PAX9: variants seen among roughly 807,000 people sequenced by gnomAD.
PAX9 encodes the protein paired box protein Pax-9.
A neutral mutation model predicts 29.1 loss-of-function variants in PAX9; 6 were observed. That is an observed-to-expected ratio of 0.21 (90% CI 0.11 to 0.41). PAX9 has a LOEUF of 0.41. Among genes scored for constraint, PAX9 ranks in the 10% least tolerant of loss-of-function variants. The pLI is 1.00. For missense variants in PAX9, 443 were observed against 479.1 expected (o/e 0.92, Z 0.70); for synonymous variants, 217 against 211.7 (o/e 1.03, Z -0.22).
intron 3 of PAX9, among the ~76,000 whole-genome samples, chr14:36,670,841 G>A (rs546380540): frequency 4.6e-5 from 7 of 151,924 alleles, no homozygotes; most frequent in Admixed American, 2.6e-4. Context: ...TTTAAATAGC[G>A]GCTTTCCATT....
intron 3 of PAX9, among the ~76,000 whole-genome samples, chr14:36,667,031 G>A (rs756387882): frequency 2.0e-5 from 3 of 152,206 alleles, no homozygotes; most frequent in Non-Finnish European, 2.9e-5. Flanking sequence ...CTTCACGCCC[G>A]CGAAACGCGC....
chr14:36,666,523 C>T lies in PAX9; in HGVS notation c.693C>T (p.Asn231=), dbSNP rs374572267. 4 of 1,601,986 alleles carry T rather than the reference C, an allele frequency of 2.5e-6. No individual in the cohort carries two copies. The highest frequency in any genetic ancestry group is 3.4e-6 in the Non-Finnish European group (4 of 1,174,742). Residue 231 remains asparagine, a synonymous_variant, in exon 3 of 4, where the codon AAC becomes AAT. Transcript: ENST00000361487. ...AGGAGTGGAGCAGCCTGGGCCGCAA[C>T]AACTTCCCCGCCGCCGCCCCGCACG... ...KVEEWSSLGR[N]NFPAAAPHAV...
Position 36,678,778 on chromosome 14 carries a change from A to G in PAX9, c.*2326A>G, listed in dbSNP as rs894082489. 9.4e-7 allele frequency: 1 copy of G among 1,061,738 alleles called. No homozygotes were observed. Among genetic ancestry groups the G allele is most frequent in the Non-Finnish European group, 1.2e-6 (1 of 869,412 alleles). The allele number at this position is 1,061,738 out of a possible 1,614,324, so 65.8% of individuals were successfully genotyped here. A position where few individuals can be genotyped will look rare whatever the true frequency, so the allele number is the denominator to read the frequency against. The stretch of plus-strand genomic sequence containing the variant: ...TGGTTCTTGTATTTTAAAAAATCTA[A>G]TATTAATGGTATTGAAGTTTCCTTT... On this transcript the variant is annotated 3_prime_UTR_variant, in exon 4 of 4. Coordinates refer to ENST00000361487, the MANE Select transcript of PAX9 (RefSeq NM_001372076.1).
Position 36,676,431 on chromosome 14 carries a change from T to C in PAX9, c.1005T>C (p.Ser335=). 6.2e-7 allele frequency: 1 copy of C among 1,613,844 alleles called. No homozygotes were observed. The highest frequency in any genetic ancestry group is 8.5e-7 in the Non-Finnish European group (1 of 1,180,038). ...AGGCAGCCAGAGAAGGTAGTCATTC[T>C]GTCACGGCTTCCGCGCTCTGATGGG... ...GMQAAREGSH[S]VTASAL The change falls in exon 4 of 4, where the codon TCT becomes TCC. Residue 335 remains serine, a synonymous_variant. Transcript: ENST00000361487.
At position 36,677,681 on chromosome 14, in the gene PAX9, T is replaced by C. The variant is rs1383171780; in HGVS notation, c.*1229T>C. On this transcript the variant is annotated 3_prime_UTR_variant, in exon 4 of 4. Coordinates refer to ENST00000361487, the MANE Select transcript of PAX9 (RefSeq NM_001372076.1). ...ACAATGGCTTGCTGTGAAGTTTACA[T>C]TGTTGTACAGAAGCATGTTTCGCAT... 6.6e-6 allele frequency: 1 copy of C among 152,254 alleles called. No individual in the cohort carries two copies. The highest frequency in any genetic ancestry group is 2.4e-5 in the African/African-American group (1 of 41,474). The allele number at this position is 152,254 out of a possible 1,614,324, so 9.4% of individuals were successfully genotyped here.
chr14:36,672,934 C>T (rs540196155), intron 3 of PAX9, among the ~76,000 whole-genome samples: 10 of 123,494 alleles, frequency 8.1e-5, no homozygotes, highest in East Asian at 2.8e-4. Context: ...GATGCGATCT[C>T]GGCTCACTGC....
chr14:36,668,161 C>A (rs1165223860), intron 3 of PAX9, among the ~76,000 whole-genome samples: 1 of 152,060 alleles, frequency 6.6e-6, no homozygotes, highest in Non-Finnish European at 1.5e-5. Flanking sequence ...AGACCATAGT[C>A]AAAAAGCTTC....
upstream of PAX9, among the ~76,000 whole-genome samples, chr14:36,661,171 C>T (rs1217473304): frequency 2.0e-5 from 3 of 152,344 alleles, no homozygotes; most frequent in African/African-American, 4.8e-5. Flanking sequence ...TTCAGTTCCC[C>T]GCACACGGCG....
At chr14:36,675,714 G>A (rs554066047) in intron 3 of PAX9, among the ~76,000 whole-genome samples, 1 of 152,212 alleles carries the variant, frequency 6.6e-6, no homozygotes, top group African/African-American at 2.4e-5. Context: ...TTTGTTGTGC[G>A]TTTCTAACAT....
intron 3 of PAX9, 120 bp downstream of exon 3, chr14:36,666,721 T>G (rs1424853075): frequency 1.2e-5 from 16 of 1,304,526 alleles, no homozygotes; most frequent in Non-Finnish European, 1.6e-5. Flanking sequence ...TGGCGTCCCT[T>G]TGCTGCTACG....
At chr14:36,671,910 C>T (rs1024458997) in intron 3 of PAX9, 4 of 152,086 alleles carry the variant, frequency 2.6e-5, no homozygotes. Flanking sequence ...AAAGCAGTAA[C>T]TTACTTTTTC....
chr14:36,662,224 G>T lies in PAX9; in HGVS notation c.4+131G>T, dbSNP rs1210363888. The stretch of plus-strand genomic sequence containing the variant: ...CTCACATTCTCTATTGACTTTGCTC[G>T]TGTTCCTACAAGTTGTAGGAACACG... On this transcript the variant is annotated intron_variant, in intron 1 of 3. Transcript: ENST00000361487. 2.0e-5 allele frequency: 22 copies of T among 1,075,912 alleles called. No homozygotes were observed. In the South Asian group the frequency reaches 3.5e-4, roughly 17 times the overall value. 66.6% of individuals were successfully genotyped at this position (1,075,912 alleles called of 1,614,324 possible).
rs1881289575 is a variant in PAX9, at chr14:36,662,032, G to A, written c.-58G>A. The A allele has an allele frequency of 1.1e-5, 17 of 1,555,490 alleles. No homozygotes were observed. The South Asian group carries it at 1.5e-4, about 14-fold the overall frequency. Reference sequence around the variant, plus strand: ...ACAGGCCGGGCCACTGAGGCGGTGCGGAAAGTTTCTGTCTGGGAGTGCGGA... The same window carrying A: ...ACAGGCCGGGCCACTGAGGCGGTGCAGAAAGTTTCTGTCTGGGAGTGCGGA... On this transcript the variant is annotated 5_prime_UTR_variant, in exon 1 of 4. Coordinates refer to ENST00000361487, the MANE Select transcript of PAX9 (RefSeq NM_001372076.1).
chr14:36,666,846 G>A (rs1302921628), intron 3 of PAX9, among the ~76,000 whole-genome samples: 1 of 152,210 alleles, frequency 6.6e-6, no homozygotes, highest in Admixed American at 6.5e-5. Flanking sequence ...GGGGGTCTGG[G>A]GCGGCAGCTC....
chr14:36,666,368 C>G (rs1881487193), intron 2 of PAX9, 94 bp from the exon 3 acceptor site: 1 of 1,501,072 alleles, frequency 6.7e-7, no homozygotes, highest in Admixed American at 2.0e-5. Flanking sequence ...AAGGTCTAAG[C>G]CCTCCAGCTC....
intron 3 of PAX9, among the ~76,000 whole-genome samples, chr14:36,667,824 A>G (rs1881563342): frequency 1.3e-5 from 2 of 152,212 alleles, no homozygotes; most frequent in African/African-American, 4.8e-5. Flanking sequence ...GAGAAATGAT[A>G]AGGAAGTTTG....
chr14:36,678,813 A>T lies in PAX9; in HGVS notation c.*2361A>T. 1 of 999,362 alleles carries T rather than the reference A, an allele frequency of 1.0e-6. No homozygotes were observed. Among genetic ancestry groups the T allele is most frequent in the Non-Finnish European group, 1.2e-6 (1 of 829,804 alleles). The allele number at this position is 999,362 out of a possible 1,614,324, so 61.9% of individuals were successfully genotyped here. A position where few individuals can be genotyped will look rare whatever the true frequency, so the allele number is the denominator to read the frequency against. ...TATTGAAGTTTCCTTTTCTCCCTCT[A>T]GGTCTTAACAGTGAATTCACATGGA... is the stretch of plus-strand genomic sequence containing the variant. On this transcript the variant is annotated 3_prime_UTR_variant, in exon 4 of 4. Transcript: ENST00000361487.
chr14:36,659,127 T>C (rs888533329), upstream of PAX9, among the ~76,000 whole-genome samples: 3 of 152,096 alleles, frequency 2.0e-5, no homozygotes, highest in African/African-American at 7.2e-5. Context: ...GCCTTACTGG[T>C]GTTTTGGTTT....
Position 36,678,485 on chromosome 14 carries a change from C to G in PAX9, c.*2033C>G. On this transcript the variant is annotated 3_prime_UTR_variant, in exon 4 of 4. Transcript: ENST00000361487. ...TCCATTGACATCTGGAGTTCCCAGTCTGGTGAGAAAATAGACTATAAACTG... is the reference window on the plus strand; with the variant it reads ...TCCATTGACATCTGGAGTTCCCAGTGTGGTGAGAAAATAGACTATAAACTG... The G allele has an allele frequency of 6.5e-7, 1 of 1,536,886 alleles. No homozygotes were observed. Among genetic ancestry groups the G allele is most frequent in the East Asian group, 2.4e-5 (1 of 40,896 alleles).
Sources: allele counts gnomAD v4.1 joint callset (sites outside exome capture counted in the v4.1 genomes callset), GRCh38; gene constraint gnomAD v4.1.1; transcripts MANE v1.5; gene names NCBI Gene and HGNC (gene_info 2026-07-23, HGNC 2026-07-21).